Variants in TANC2 observed in about 807,000 individuals in gnomAD.
The protein encoded by TANC2 is tetratricopeptide repeat, ankyrin repeat and coiled-coil containing 2.
Under a neutral mutation model 210.5 loss-of-function variants are expected in TANC2, and 26 were observed. That is an observed-to-expected ratio of 0.12 (90% CI 0.09 to 0.17). TANC2 has a LOEUF of 0.17. Among genes scored for constraint, TANC2 ranks in the 10% least tolerant of loss-of-function variants. TANC2 has a pLI of 1.00. For missense variants in TANC2, 2,129 were observed against 2,608.9 expected (o/e 0.82, Z 4.01); for synonymous variants, 931 against 967.1 (o/e 0.96, Z 0.69).
At chr17:63,105,520 T>C (rs919048314) in intron 4 of TANC2, among the ~76,000 whole-genome samples, 2 of 151,778 alleles carry the variant, frequency 1.3e-5, no homozygotes, top group Non-Finnish European at 2.9e-5. Flanking sequence ...CCTGCAATTT[T>C]TGAAAACCTA....
intron 11 of TANC2, among the ~76,000 whole-genome samples, chr17:63,324,506 GA>G (rs1036456565): frequency 2.0e-5 from 3 of 151,978 alleles, no homozygotes; most frequent in Non-Finnish European, 4.4e-5. Flanking sequence ...TACATACACA[GA>G]AAATGAAAAA....
chr17:63,365,624 C>A (rs1040270517), intron 14 of TANC2, among the ~76,000 whole-genome samples: 1 of 152,192 alleles, frequency 6.6e-6, no homozygotes, highest in South Asian at 2.1e-4. Flanking sequence ...GCCTCCCTCC[C>A]TGAATTAAGT....
intron 2 of TANC2, among the ~76,000 whole-genome samples, chr17:63,022,455 A>G (rs1216251856): frequency 6.6e-6 from 1 of 152,188 alleles, no homozygotes; most frequent in African/African-American, 2.4e-5. Context: ...TATGGGAGCA[A>G]AGGGATGATT....
At chr17:63,285,970 T>C (rs1003447482) in intron 9 of TANC2, among the ~76,000 whole-genome samples, 4 of 152,178 alleles carry the variant, frequency 2.6e-5, no homozygotes, top group Non-Finnish European at 4.4e-5. Flanking sequence ...GTCAACCTTG[T>C]AAGCAAGCTT....
At chr17:63,251,838 T>C (rs1434514333) in intron 8 of TANC2, among the ~76,000 whole-genome samples, 1 of 152,184 alleles carries the variant, frequency 6.6e-6, no homozygotes, top group Non-Finnish European at 1.5e-5. Context: ...CTAGTGTCAT[T>C]TGTCTGAAAT....
chr17:63,205,162 G>T (rs746398376), intron 7 of TANC2, among the ~76,000 whole-genome samples: 1 of 151,778 alleles, frequency 6.6e-6, no homozygotes, highest in Non-Finnish European at 1.5e-5. Flanking sequence ...TTTGACAAGC[G>T]TCCTAAGACC....
At chr17:63,162,894 G>A (rs754388102) in intron 5 of TANC2, among the ~76,000 whole-genome samples, 3 of 151,982 alleles carry the variant, frequency 2.0e-5, no homozygotes, top group Non-Finnish European at 4.4e-5. Context: ...CCCACTTAAC[G>A]TTAGTGGTCA....
At chr17:62,971,737 G>C (rs1473387519) in intron 1 of TANC2, among the ~76,000 whole-genome samples, 1 of 152,220 alleles carries the variant, frequency 6.6e-6, no homozygotes, top group Non-Finnish European at 1.5e-5. Context: ...CAGCATTACT[G>C]TGTGAGCACC....
At chr17:63,161,623 C>G (rs2040027871) in intron 5 of TANC2, among the ~76,000 whole-genome samples, 1 of 152,092 alleles carries the variant, frequency 6.6e-6, no homozygotes, top group Non-Finnish European at 1.5e-5. Context: ...TTGCTACTTC[C>G]TTTTCTTCTC....
chr17:63,306,252 C>T (rs981284233), intron 9 of TANC2, among the ~76,000 whole-genome samples: 1 of 152,156 alleles, frequency 6.6e-6, no homozygotes, highest in Non-Finnish European at 1.5e-5. Flanking sequence ...GACTTGAAGA[C>T]AGACTGGGAT....
intron 1 of TANC2, among the ~76,000 whole-genome samples, chr17:63,008,276 T>G (rs189427830): frequency 7.0e-4 from 107 of 152,304 alleles, no homozygotes; most frequent in African/African-American, 2.5e-3. Context: ...TATTGCTTCT[T>G]CCCAATTTTC....
Position 63,421,548 on chromosome 17 carries a change from C to A in TANC2, c.5818C>A (p.Gln1940Lys). The A allele has an allele frequency of 1.2e-6, 2 of 1,614,044 alleles. No homozygotes were observed. The highest frequency in any genetic ancestry group is 2.2e-5 in the South Asian group (2 of 91,080). ...GATCATAGATAAAACAGCACGGACT[C>A]AGCAGTACCCCCACCTCCACCAGCA... The change falls in exon 28 of 28, where the codon CAG becomes AAG. Residue 1940 changes from glutamine to lysine, a missense_variant. Physicochemically the swap from Gln to Lys is moderately conservative, Grantham distance 53 (BLOSUM62 1). Coordinates refer to ENST00000689528, the Ensembl canonical transcript of TANC2. This position sits in a 1 kb window ranked among gnomAD's most constrained non-coding sequence, Gnocchi z 6.9.
At chr17:63,213,986 G>A (rs972496575) in intron 7 of TANC2, among the ~76,000 whole-genome samples, 3 of 152,098 alleles carry the variant, frequency 2.0e-5, no homozygotes, top group Admixed American at 2.0e-4. Flanking sequence ...AAGGAAAGGG[G>A]GAGTGAGACA....
At chr17:63,144,127 A>G (rs904642291) in intron 4 of TANC2, among the ~76,000 whole-genome samples, 1 of 152,206 alleles carries the variant, frequency 6.6e-6, no homozygotes, top group Admixed American at 6.5e-5. Context: ...TATTGAGACC[A>G]TATGCTACGA....
chr17:63,139,330 A>G (rs1043034978), intron 4 of TANC2, among the ~76,000 whole-genome samples: 1 of 152,186 alleles, frequency 6.6e-6, no homozygotes, highest in African/African-American at 2.4e-5. Flanking sequence ...AAGTTGCTCT[A>G]TTGAAATAGA....
At chr17:62,981,190 C>T (rs1008573024) in intron 1 of TANC2, among the ~76,000 whole-genome samples, 5 of 152,206 alleles carry the variant, frequency 3.3e-5, no homozygotes, top group Non-Finnish European at 4.4e-5. Context: ...CTTGCATTCA[C>T]ATTGTCAGTA....
At position 63,421,150 on chromosome 17, in the gene TANC2, C is replaced by T. The variant is rs2049012855; in HGVS notation, c.5420C>T (p.Ala1807Val). 2.5e-6 allele frequency: 4 copies of T among 1,613,892 alleles called. No individual in the cohort carries two copies. The highest frequency in any genetic ancestry group is 1.7e-5 in the Admixed American group (1 of 60,006). ...CCACAGATCGGACGCAGCCAGTCAG[C>T]ATCCTATTACCCAGTCTGTCACTCA... Residue 1807 changes from alanine (A) to valine (V), a missense_variant, in exon 28 of 28, where the codon GCA becomes GTA. Transcript: ENST00000689528. This position sits in a 1 kb window ranked among gnomAD's most constrained non-coding sequence, Gnocchi z 6.9.
At position 62,991,572 on chromosome 17, in the gene TANC2, G is replaced by A. The variant is rs549630266; in HGVS notation, c.-23-17965G>A. 7.9e-5 allele frequency among the ~76,000 whole-genome samples: 12 copies of A among 151,518 alleles called. No homozygotes were observed. The South Asian group carries it at 1.7e-3, about 21-fold the overall frequency. ...GGAGAATGCCGTGAACCTGGGAGGCGGAGCTTGCAGTGAGCCAAGATCACG... is the reference window on the plus strand; with the variant it reads ...GGAGAATGCCGTGAACCTGGGAGGCAGAGCTTGCAGTGAGCCAAGATCACG... On this transcript the variant is annotated intron_variant, in intron 1 of 27. Coordinates refer to ENST00000689528, the Ensembl canonical transcript of TANC2.
intron 20 of TANC2, among the ~76,000 whole-genome samples, chr17:63,405,476 C>T (rs1156407754): frequency 6.6e-6 from 1 of 152,234 alleles, no homozygotes; most frequent in Non-Finnish European, 1.5e-5. Flanking sequence ...GGACTAACTA[C>T]TTATGTCCTG....
Sources: gnomAD v4.1 joint callset for allele counts (sites outside exome capture counted in the v4.1 genomes callset) on GRCh38, gnomAD v4.1.1 for gene constraint, Gnocchi (gnomAD v3.1) non-coding constraint, MANE v1.5 for transcripts, NCBI Gene and HGNC (gene_info 2026-07-23, HGNC 2026-07-21) for gene names.